Variants in COL16A1 observed in about 807,000 individuals in gnomAD.
COL16A1 encodes collagen alpha-1(XVI) chain.
A neutral mutation model predicts 266.3 loss-of-function variants in COL16A1; 189 were observed. That is an observed-to-expected ratio of 0.71 (90% CI 0.63 to 0.80). COL16A1 has a LOEUF of 0.80. Ranked by LOEUF, COL16A1 falls within the 30% of genes least tolerant of loss-of-function variation. The pLI, the probability that COL16A1 is intolerant of heterozygous loss-of-function variation, is 0.00. For missense variants in COL16A1, 1,928 were observed against 2,122.4 expected (o/e 0.91, Z 1.80); for synonymous variants, 740 against 782.3 (o/e 0.95, Z 0.90).
Position 31,699,768 on chromosome 1 carries a change from G to T in COL16A1, c.266+45C>A, listed in dbSNP as rs766682234. The stretch of plus-strand genomic sequence containing the variant: ...ACATCTGGAGTTGCTGAGGAGTGTG[G>T]CTGAGGTCAGTGTTGATTCTCAGTG... On this transcript the variant is annotated intron_variant, in intron 4 of 70. Transcript: ENST00000373672. 2.4e-6 allele frequency: 3 copies of T among 1,236,048 alleles called. No homozygotes were observed. The South Asian group carries it at 3.6e-5, about 15-fold the overall frequency. 76.6% of individuals were successfully genotyped at this position (1,236,048 alleles called of 1,614,324 possible).
chr1:31,684,223 G>A lies in COL16A1; in HGVS notation c.2169C>T (p.Gly723=), dbSNP rs1201214322. Residue 723 remains glycine (G), a synonymous_variant, in exon 32 of 71, where the codon GGC becomes GGT. Coordinates refer to ENST00000373672, the MANE Select transcript of COL16A1 (RefSeq NM_001856.4). The part of the protein sequence containing the change: ...PAGPKGEKGD[G]CTACPSLQGT... ...CCTGCAGGCTGGGGCAGGCAGTGCA[G>A]CCATCACCCTGGTCAGAGATGGGTA... 4 of 1,497,896 alleles carry A rather than the reference G, an allele frequency of 2.7e-6. No individual in the cohort carries two copies. Among genetic ancestry groups the A allele is most frequent in the Non-Finnish European group, 3.6e-6 (4 of 1,121,316 alleles). 92.8% of individuals were successfully genotyped at this position (1,497,896 alleles called of 1,614,324 possible). A position where few individuals can be genotyped will look rare whatever the true frequency, so the allele number is the denominator to read the frequency against.
intron 11 of COL16A1, 90 bp from the exon 12 acceptor site, chr1:31,694,260 CA>C: frequency 9.0e-7 from 1 of 1,107,442 alleles, no homozygotes; most frequent in South Asian, 1.6e-5. Context: ...CAGGGTCACA[CA>C]GCATGGTAGC....
intron 17 of COL16A1, 114 bp from the exon 18 acceptor site, chr1:31,691,756 G>T: frequency 7.5e-7 from 1 of 1,339,360 alleles, no homozygotes; most frequent in Non-Finnish European, 1.0e-6. Flanking sequence ...CCAAACCAGA[G>T]CCCACCCTGG....
Position 31,685,967 on chromosome 1 carries a change from G to GC in COL16A1, c.1884+123dup. 6.7e-7 allele frequency: 1 copy of GC among 1,502,592 alleles called. No individual in the cohort carries two copies. Among genetic ancestry groups the GC allele is most frequent in the Non-Finnish European group, 9.0e-7 (1 of 1,106,944 alleles). 93.1% of individuals were successfully genotyped at this position (1,502,592 alleles called of 1,614,324 possible). A position where few individuals can be genotyped will look rare whatever the true frequency, so the allele number is the denominator to read the frequency against. On this transcript the variant is annotated intron_variant, in intron 28 of 70. Transcript: ENST00000373672. The surrounding 1 kb of genome is among the most constrained non-coding windows in gnomAD (Gnocchi z 4.0). ...GAGTCATCAGGGGTCTCCATGCCTTGCTAAGGAGTCAGACTCTGCCCGACA... is the reference window on the plus strand; with the variant it reads ...GAGTCATCAGGGGTCTCCATGCCTTGCCTAAGGAGTCAGACTCTGCCCGACA...
intron 68 of COL16A1, among the ~76,000 whole-genome samples, chr1:31,654,533 A>AAT (rs1156300041): frequency 6.6e-6 from 1 of 152,198 alleles, no homozygotes; most frequent in Middle Eastern, 3.2e-3. Flanking sequence ...GTTTAATACC[A>AAT]ATTTTCTTGT....
At chr1:31,677,546 C>CT (rs1643291573) in intron 42 of COL16A1, among the ~76,000 whole-genome samples, 1 of 152,232 alleles carries the variant, frequency 6.6e-6, no homozygotes, top group Non-Finnish European at 1.5e-5. Flanking sequence ...CGAAGTGCAG[C>CT]CAGAATTGAA....
At chr1:31,687,095 G>A (rs1471467034) in intron 26 of COL16A1, among the ~76,000 whole-genome samples, 1 of 152,166 alleles carries the variant, frequency 6.6e-6, no homozygotes, top group Non-Finnish European at 1.5e-5. Context: ...AAACTACCGG[G>A]TGAAGGCTGG....
In COL16A1 at chr1:31,684,733, T is replaced by A; in HGVS notation, c.2052+88A>T. Reference sequence around the variant, plus strand: ...CACACTCCTTTGCCGGGGCTGAGGGTTGGGGGCTAGGGAGGGAGGAAAATG... The same window carrying A: ...CACACTCCTTTGCCGGGGCTGAGGGATGGGGGCTAGGGAGGGAGGAAAATG... On this transcript the variant is annotated intron_variant, in intron 30 of 70. Transcript: ENST00000373672. The A allele has an allele frequency of 1.9e-6, 3 of 1,609,760 alleles. No homozygotes were observed. In the South Asian group the frequency reaches 3.3e-5, roughly 18 times the overall value.
chr1:31,685,857 C>G lies in COL16A1; in HGVS notation c.1885-87G>C. 1 of 1,579,502 alleles carries G rather than the reference C, an allele frequency of 6.3e-7. No homozygotes were observed. Among genetic ancestry groups the G allele is most frequent in the African/African-American group, 1.3e-5 (1 of 74,350 alleles). The stretch of plus-strand genomic sequence containing the variant: ...TGGAATCTAGGGCTGGGGAATGTCA[C>G]TGGGTCTGACACTGCACCTCTGCTG... On this transcript the variant is annotated intron_variant, in intron 28 of 70. Coordinates refer to ENST00000373672, the MANE Select transcript of COL16A1 (RefSeq NM_001856.4). The surrounding 1 kb of genome is among the most constrained non-coding windows in gnomAD (Gnocchi z 4.0).
Position 31,681,062 on chromosome 1 carries a change from A to G in COL16A1, c.2544T>C (p.Arg848=), listed in dbSNP as rs747531408. The G allele has an allele frequency of 3.1e-6, 5 of 1,612,518 alleles. No individual in the cohort carries two copies. Among genetic ancestry groups the G allele is most frequent in the South Asian group, 2.2e-5 (2 of 90,910 alleles). ...PGASVSGPPG[R]DGQQGQTGLR... is the part of the protein sequence containing the mutation. Reference sequence around the variant, plus strand: ...GTCCCGTCTGTCCTTGCTGCCCATCACGGCCCTGAAGAGAGAGAGCCCAGA... The same window carrying G: ...GTCCCGTCTGTCCTTGCTGCCCATCGCGGCCCTGAAGAGAGAGAGCCCAGA... The change falls in exon 38 of 71, where the codon CGT becomes CGC. Residue 848 remains arginine, a synonymous_variant. Coordinates refer to ENST00000373672, the MANE Select transcript of COL16A1 (RefSeq NM_001856.4).
Position 31,698,625 on chromosome 1 carries a change from G to A in COL16A1, c.267-19C>T, listed in dbSNP as rs771922413. On this transcript the variant is annotated intron_variant, in intron 4 of 70. Coordinates refer to ENST00000373672, the MANE Select transcript of COL16A1 (RefSeq NM_001856.4). The surrounding 1 kb of genome is among the most constrained non-coding windows in gnomAD (Gnocchi z 4.1). ...TACTCTTCTGGAGATGGAGCAGGGA[G>A]GGTGCCCTGAGGCTCCAATGAGGAC... is the stretch of plus-strand genomic sequence containing the variant. 2 of 1,612,702 alleles carry A rather than the reference G, an allele frequency of 1.2e-6. No homozygotes were observed. Among genetic ancestry groups the A allele is most frequent in the Non-Finnish European group, 1.7e-6 (2 of 1,179,626 alleles).
Position 31,697,074 on chromosome 1 carries a change from G to C in COL16A1, c.753C>G (p.Thr251=), listed in dbSNP as rs529030446. The C allele has an allele frequency of 6.2e-7, 1 of 1,614,200 alleles. No individual in the cohort carries two copies. The highest frequency in any genetic ancestry group is 1.3e-5 in the African/African-American group (1 of 75,060). ...TCTGGGTGTCCCGGCGGGCCTTGGAGGTCTCTGGGGGGCACTGTTTGGTGG... is the reference window on the plus strand; with the variant it reads ...TCTGGGTGTCCCGGCGGGCCTTGGACGTCTCTGGGGGGCACTGTTTGGTGG... ...EILPAGCPPE[T]SKARRDTQSN... is the part of the protein sequence containing the mutation. The change falls in exon 8 of 71, where the codon ACC becomes ACG. Residue 251 remains threonine, a synonymous_variant. Transcript: ENST00000373672. This position sits in a 1 kb window ranked among gnomAD's most constrained non-coding sequence, Gnocchi z 4.2.
rs990107367 is a variant in COL16A1 at position 31,692,881 on chromosome 1, C to T, written c.1072-73G>A. 1.3e-5 allele frequency: 18 copies of T among 1,435,768 alleles called. No individual in the cohort carries two copies. In the Admixed American group the frequency reaches 1.7e-4, roughly 14 times the overall value. 88.9% of individuals were successfully genotyped at this position (1,435,768 alleles called of 1,614,324 possible). On this transcript the variant is annotated intron_variant, in intron 13 of 70. Transcript: ENST00000373672. ...CCCCTAGATGTGTTGTGAGGAGGAT[C>T]GGCCCGGGAACCCCATAGTCCTAAG...
rs71006318 is a variant in COL16A1, at chr1:31,662,674, G to GCCCCCCCCCC, written c.3556-26_3556-17dup. ...CTTCGCTGCCCTGGAAACCAGCGCC[G>GCCCCCCCCCC]CCCCCCCCCCCCGCCCCACAATAAA... On this transcript the variant is annotated splice_polypyrimidine_tract_variant and intron_variant, in intron 56 of 70. Transcript: ENST00000373672. 1.6e-6 allele frequency: 2 copies of GCCCCCCCCCC among 1,264,544 alleles called. No homozygotes were observed. The highest frequency in any genetic ancestry group is 1.5e-5 in the South Asian group (1 of 67,454). 78.3% of individuals were successfully genotyped at this position (1,264,544 alleles called of 1,614,324 possible). A position where few individuals can be genotyped will look rare whatever the true frequency, so the allele number is the denominator to read the frequency against.
At chr1:31,654,971 CTTTTTTTT>C (rs10586841) in intron 67 of COL16A1, 113 bp from the exon 68 acceptor site, 371 of 414,344 alleles carry the variant, frequency 9.0e-4, no homozygotes, top group African/African-American at 4.1e-3. Context: ...CCCACAGATT[CTTTTTTTT>C]TTTTTTTTTT....
chr1:31,673,020 C>A, intron 44 of COL16A1, 180 bp from the exon 45 acceptor site: 1 of 684,102 alleles, frequency 1.5e-6, no homozygotes. Context: ...CTCGGGGGAC[C>A]CACTCCCAAC....
chr1:31,657,285 C>T lies in COL16A1; in HGVS notation c.4021-217G>A, dbSNP rs115083504. 262 of 599,574 alleles carry T rather than the reference C, an allele frequency of 4.4e-4. No homozygotes were observed. The highest frequency in any genetic ancestry group is 3.8e-3 in the African/African-American group (207 of 54,090). The allele number at this position is 599,574 out of a possible 1,614,324, so 37.1% of individuals were successfully genotyped here. A position where few individuals can be genotyped will look rare whatever the true frequency, so the allele number is the denominator to read the frequency against. ...CAGAGCCCCAACAGCTCCCAGCCCC[C>T]GTCTACAAGAGCTTTACAAGGGAAG... On this transcript the variant is annotated intron_variant, in intron 64 of 70. Coordinates refer to ENST00000373672, the MANE Select transcript of COL16A1 (RefSeq NM_001856.4). The surrounding 1 kb of genome is among the most constrained non-coding windows in gnomAD (Gnocchi z 6.4).
At position 31,670,525 on chromosome 1, in the gene COL16A1, C is replaced by A; in HGVS notation, c.3195+77G>T. On this transcript the variant is annotated intron_variant, in intron 49 of 70. Transcript: ENST00000373672. The surrounding 1 kb of genome is among the most constrained non-coding windows in gnomAD (Gnocchi z 4.5). Reference sequence around the variant, plus strand: ...ACGGAGGACGGAGGTGAAGGCACGACAGGAGGGAGACAAGCAAAAGCCACA... The same window carrying A: ...ACGGAGGACGGAGGTGAAGGCACGAAAGGAGGGAGACAAGCAAAAGCCACA... 2 of 1,312,150 alleles carry A rather than the reference C, an allele frequency of 1.5e-6. No individual in the cohort carries two copies. The highest frequency in any genetic ancestry group is 2.0e-6 in the Non-Finnish European group (2 of 1,023,308). 81.3% of individuals were successfully genotyped at this position (1,312,150 alleles called of 1,614,324 possible).
In COL16A1 at chr1:31,658,586, T is replaced by C. The variant is rs780062412; in HGVS notation, c.3931-9A>G. 6.3e-7 allele frequency: 1 copy of C among 1,596,218 alleles called. No individual in the cohort carries two copies. Among genetic ancestry groups the C allele is most frequent in the Non-Finnish European group, 8.5e-7 (1 of 1,172,400 alleles). On this transcript the variant is annotated splice_polypyrimidine_tract_variant and intron_variant, in intron 63 of 70. Coordinates refer to ENST00000373672, the MANE Select transcript of COL16A1 (RefSeq NM_001856.4). The stretch of plus-strand genomic sequence containing the variant: ...CGGTCTCCTTTCAGACCCTAGAGAA[T>C]AGGAAGGGGGACAGTGAGAGGGGAG...
Sources: allele counts gnomAD v4.1 joint callset (sites outside exome capture counted in the v4.1 genomes callset), GRCh38; gene constraint gnomAD v4.1.1; non-coding constraint Gnocchi (gnomAD v3.1); transcripts MANE v1.5; gene names NCBI Gene and HGNC (gene_info 2026-07-23, HGNC 2026-07-21).